Variants in TENM1 observed in about 807,000 individuals in gnomAD.
TENM1 encodes the protein teneurin transmembrane protein 1.
In TENM1, 35 loss-of-function variants were observed where a neutral mutation model predicts 174.8. The ratio of observed to expected loss-of-function variants is 0.20; its 90% CI spans 0.15 to 0.27. The LOEUF is 0.27. Ranked by LOEUF, TENM1 falls within the 10% of genes least tolerant of loss-of-function variation. The pLI is 1.00. For synonymous variants in TENM1, 781 were observed against 798.7 expected (o/e 0.98, Z 0.37); for missense variants, 1,633 against 2,130.1 (o/e 0.77, Z 4.59).
intron 11 of TENM1, among the ~76,000 whole-genome samples, chrX:124,599,290 C>T (rs2049976839): frequency 9.0e-6 from 1 of 111,409 alleles, no homozygotes; most frequent in African/African-American, 3.3e-5. Flanking sequence ...TATTTCTTAT[C>T]AATATAGGGA....
At chrX:124,741,974 G>T (rs529130018) in intron 3 of TENM1, among the ~76,000 whole-genome samples, 2 of 112,014 alleles carry the variant, frequency 1.8e-5, no homozygotes, top group African/African-American at 6.5e-5. Context: ...TATAAAACGA[G>T]CACTGTAGCA....
At chrX:125,011,300 A>C in the TENM1 span, among the ~76,000 whole-genome samples, 1 of 112,149 alleles carries the variant, frequency 8.9e-6, no homozygotes, top group Admixed American at 9.4e-5. Context: ...AAAACACCAA[A>C]AGCTAGTGCA....
intron 6 of TENM1, among the ~76,000 whole-genome samples, chrX:124,665,543 T>A (rs2051736738): frequency 8.9e-6 from 1 of 112,653 alleles, no homozygotes; most frequent in Admixed American, 9.4e-5. Flanking sequence ...AAATGGCAAA[T>A]GTGGTTTTAC....
intron 22 of TENM1, among the ~76,000 whole-genome samples, chrX:124,480,956 G>T (rs2046828948): frequency 9.0e-6 from 1 of 111,292 alleles, no homozygotes. Flanking sequence ...CAACTTTGTG[G>T]CCTAAGATTG....
chrX:125,030,604 CTAAA>C, the TENM1 span, among the ~76,000 whole-genome samples: 21 of 111,795 alleles, frequency 1.9e-4, no homozygotes, highest in East Asian at 8.4e-4. Context: ...TTATCTTTAC[CTAAA>C]TAGTCTAACA....
At chrX:124,596,833 G>T (rs747907027) in intron 11 of TENM1, among the ~76,000 whole-genome samples, 1 of 110,778 alleles carries the variant, frequency 9.0e-6, no homozygotes, top group Admixed American at 9.6e-5. Context: ...AATCATATTT[G>T]CCTTAGAAAG....
In TENM1 at chrX:124,615,546, C is replaced by T. The variant is rs144009400; in HGVS notation, c.2077+26245G>A. Among the ~76,000 whole-genome samples the T allele has an allele frequency of 6.0e-3, 668 of 112,066 alleles. 9 individuals carry two copies. The highest frequency in any genetic ancestry group is 0.018 in the African/African-American group (568 of 30,899). ...ACAATGCCATACAAAAGTAAGGTTCCGTTATTTTTAGATGAAACATCTTAC... is the reference window on the plus strand; with the variant it reads ...ACAATGCCATACAAAAGTAAGGTTCTGTTATTTTTAGATGAAACATCTTAC... On this transcript the variant is annotated intron_variant, in intron 11 of 31. Transcript: ENST00000422452.
chrX:124,633,056 G>C (rs2050797775), intron 11 of TENM1, among the ~76,000 whole-genome samples: 2 of 112,154 alleles, frequency 1.8e-5, no homozygotes, highest in South Asian at 7.4e-4. Flanking sequence ...CTCATATACA[G>C]GGACAGACAC....
chrX:124,574,108 A>G (rs959449119), intron 11 of TENM1, among the ~76,000 whole-genome samples: 1 of 111,996 alleles, frequency 8.9e-6, no homozygotes, highest in African/African-American at 3.2e-5. Context: ...ATAGGCAGAC[A>G]CTTTAAAGTT....
At chrX:124,782,040 A>G (rs6655802) in intron 3 of TENM1, among the ~76,000 whole-genome samples, 5,961 of 110,746 alleles carry the variant, frequency 0.054, 282 homozygotes, top group African/African-American at 0.15. Flanking sequence ...TCTTCCACTC[A>G]TGATCTTTGC....
intron 22 of TENM1, among the ~76,000 whole-genome samples, chrX:124,456,214 G>A (rs1439410486): frequency 2.7e-5 from 3 of 111,707 alleles, no homozygotes; most frequent in Admixed American, 9.6e-5. Context: ...TCATATATTT[G>A]TGTAGCAACT....
chrX:125,041,273 G>A, the TENM1 span, among the ~76,000 whole-genome samples: 1 of 110,961 alleles, frequency 9.0e-6, no homozygotes, highest in African/African-American at 3.3e-5. Flanking sequence ...ACACAAAAAG[G>A]TAATTATAGG....
At chrX:125,165,984 A>C in the TENM1 span, among the ~76,000 whole-genome samples, 1 of 111,660 alleles carries the variant, frequency 9.0e-6, no homozygotes, top group Non-Finnish European at 1.9e-5. Flanking sequence ...CGAATATATA[A>C]TGTAGTATAG....
At chrX:124,573,397 T>C (rs765639781) in intron 11 of TENM1, among the ~76,000 whole-genome samples, 1 of 111,548 alleles carries the variant, frequency 9.0e-6, no homozygotes, top group Non-Finnish European at 1.9e-5. Flanking sequence ...CACAAAAGTA[T>C]ACATAGGGAC....
At chrX:124,619,579 T>C (rs754995200) in intron 11 of TENM1, among the ~76,000 whole-genome samples, 1 of 111,784 alleles carries the variant, frequency 8.9e-6, no homozygotes, top group Non-Finnish European at 1.9e-5. Flanking sequence ...TTCTTAGAAA[T>C]GGAATGACTG....
At chrX:124,955,797 G>GCGCACACACACACA (rs1556430460) in intron 1 of TENM1, among the ~76,000 whole-genome samples, 1 of 91,249 alleles carries the variant, frequency 1.1e-5, no homozygotes, top group Non-Finnish European at 2.1e-5. Flanking sequence ...ACACGCGCAC[G>GCGCACACACACACA]CACACACACA....
the TENM1 span, among the ~76,000 whole-genome samples, chrX:125,117,073 G>A: frequency 1.8e-5 from 2 of 109,463 alleles, no homozygotes; most frequent in Non-Finnish European, 3.8e-5. Flanking sequence ...GGAGAAATAG[G>A]AATGCTTTTA....
chrX:124,996,536 A>G, the TENM1 span, among the ~76,000 whole-genome samples: 2 of 76,432 alleles, frequency 2.6e-5, no homozygotes, highest in African/African-American at 4.9e-5. Flanking sequence ...ACATATGACT[A>G]AAAAAAAAAA....
At chrX:125,143,654 A>G in the TENM1 span, among the ~76,000 whole-genome samples, 3 of 111,835 alleles carry the variant, frequency 2.7e-5, no homozygotes, top group African/African-American at 9.8e-5. Flanking sequence ...ATAAAATTCT[A>G]GATTATAAAA....
Sources: allele counts gnomAD v4.1 joint callset (sites outside exome capture counted in the v4.1 genomes callset), GRCh38; gene constraint gnomAD v4.1.1; transcripts MANE v1.5; gene names NCBI Gene and HGNC (gene_info 2026-07-23, HGNC 2026-07-21).